TM2D1: variants seen among roughly 807,000 people sequenced by gnomAD.
TM2D1 encodes TM2 domain-containing protein 1.
A neutral mutation model predicts 28.4 loss-of-function variants in TM2D1; 15 were observed. The observed-to-expected ratio is 0.53, with a 90% confidence interval of 0.35 to 0.81. TM2D1 has a LOEUF of 0.81. Among genes scored for constraint, TM2D1 ranks in the 40% least tolerant of loss-of-function variants. TM2D1 has a pLI of 0.01. For missense variants in TM2D1, 236 were observed against 254.9 expected (o/e 0.93, Z 0.50); for synonymous variants, 93 against 96.2 (o/e 0.97, Z 0.20).
chr1:61,689,473 G>C (rs930191805), intron 5 of TM2D1, among the ~76,000 whole-genome samples: 1 of 151,996 alleles, frequency 6.6e-6, no homozygotes, highest in Non-Finnish European at 1.5e-5. Flanking sequence ...AGGCTCAAGT[G>C]ATCCTCCAAC....
intron 2 of TM2D1, among the ~76,000 whole-genome samples, chr1:61,716,066 A>C (rs980747329): frequency 6.6e-6 from 1 of 151,708 alleles, no homozygotes; most frequent in Non-Finnish European, 1.5e-5. Flanking sequence ...CGGCCTCCCA[A>C]AGTGCTGGGA....
At chr1:61,724,230 A>G in intron 1 of TM2D1, 1 of 152,588 alleles carries the variant, frequency 6.6e-6, no homozygotes, top group Non-Finnish European at 1.5e-5. Context: ...CCAGGAGTTC[A>G]AGACCAGCCT....
chr1:61,700,506 C>G lies in TM2D1; in HGVS notation c.439+428G>C, dbSNP rs75693503. ...CCAGCTCAAGTGGATCACCAAAGTT[C>G]CAACCCCAACTTGTTCTGAAAGAAG... is the stretch of plus-strand genomic sequence containing the variant. On this transcript the variant is annotated intron_variant, in intron 4 of 6. Transcript: ENST00000606498. Among the ~76,000 whole-genome samples, 973 of 152,278 alleles carry G rather than the reference C, an allele frequency of 6.4e-3. 15 individuals are homozygous for G. The highest frequency in any genetic ancestry group is 0.022 in the African/African-American group (931 of 41,578).
chr1:61,709,043 G>C (rs1360471984), intron 3 of TM2D1, among the ~76,000 whole-genome samples: 1 of 152,052 alleles, frequency 6.6e-6, no homozygotes, highest in African/African-American at 2.4e-5. Flanking sequence ...GCACAAACCT[G>C]TACTCCAGCT....
chr1:61,702,497 T>G (rs544357373), intron 3 of TM2D1, among the ~76,000 whole-genome samples: 1 of 151,026 alleles, frequency 6.6e-6, no homozygotes, highest in East Asian at 2.0e-4. Flanking sequence ...GCCCCCCAAG[T>G]ACCTGGGAGT....
At chr1:61,717,656 C>G (rs1171634778) in intron 2 of TM2D1, among the ~76,000 whole-genome samples, 1 of 151,976 alleles carries the variant, frequency 6.6e-6, no homozygotes, top group Non-Finnish European at 1.5e-5. Flanking sequence ...TCACTGTAGC[C>G]TCGAAGTCCT....
At chr1:61,720,762 C>T (rs191790005) in intron 2 of TM2D1, among the ~76,000 whole-genome samples, 141 of 152,064 alleles carry the variant, frequency 9.3e-4, no homozygotes, top group Admixed American at 4.0e-3. Context: ...TAAACAAATG[C>T]ACTTATTGAA....
intron 1 of TM2D1, 137 bp from the exon 2 acceptor site, chr1:61,723,923 A>G: frequency 2.1e-6 from 1 of 471,004 alleles, no homozygotes; most frequent in Non-Finnish European, 3.8e-6. Context: ...CAATAAGCAT[A>G]TGTACAAATA....
chr1:61,707,609 T>C (rs1264278872), intron 3 of TM2D1, among the ~76,000 whole-genome samples: 1 of 152,232 alleles, frequency 6.6e-6, no homozygotes, highest in East Asian at 1.9e-4. Context: ...CTAAGTACAT[T>C]GCAAACTATT....
chr1:61,691,028 G>T (rs1644319934), intron 5 of TM2D1, among the ~76,000 whole-genome samples: 1 of 152,160 alleles, frequency 6.6e-6, no homozygotes, highest in African/African-American at 2.4e-5. Flanking sequence ...AAAAAATTGT[G>T]ACAAAGAAAG....
chr1:61,721,597 A>G (rs1397306852), intron 2 of TM2D1, among the ~76,000 whole-genome samples: 1 of 152,010 alleles, frequency 6.6e-6, no homozygotes, highest in African/African-American at 2.4e-5. Flanking sequence ...TGAGAATTTC[A>G]CAATAGTTCT....
intron 2 of TM2D1, among the ~76,000 whole-genome samples, chr1:61,714,546 A>T (rs894317206): frequency 8.5e-5 from 13 of 152,130 alleles, no homozygotes; most frequent in Non-Finnish European, 1.3e-4. Flanking sequence ...GTCCAAAAAA[A>T]ACTAAAGAGC....
chr1:61,724,913 A>T, intron 1 of TM2D1, 44 bp downstream of exon 1: 1 of 1,539,638 alleles, frequency 6.5e-7, no homozygotes, highest in Non-Finnish European at 8.8e-7. Flanking sequence ...TGCGACCCCA[A>T]CTCTACCTCG....
chr1:61,705,290 G>A (rs749497509), intron 3 of TM2D1, among the ~76,000 whole-genome samples: 14 of 152,044 alleles, frequency 9.2e-5, no homozygotes, highest in African/African-American at 1.4e-4. Flanking sequence ...AGGTTCAAGC[G>A]ATTCTCATGC....
At position 61,690,636 on chromosome 1, in the gene TM2D1, T is replaced by C. The variant is rs577398151; in HGVS notation, c.513+4061A>G. On this transcript the variant is annotated intron_variant, in intron 5 of 6. Transcript: ENST00000606498. ...ACTAGGCACAAAGCCACACTTTGTA[T>C]AAGGCATACTGCATACAGTTTCAAA... Among the ~76,000 whole-genome samples, 3 of 152,276 alleles carry C rather than the reference T, an allele frequency of 2.0e-5. No individual in the cohort carries two copies. The East Asian group carries it at 5.8e-4, about 29-fold the overall frequency.
At chr1:61,704,839 A>G (rs1644429521) in intron 3 of TM2D1, among the ~76,000 whole-genome samples, 1 of 152,090 alleles carries the variant, frequency 6.6e-6, no homozygotes, top group Non-Finnish European at 1.5e-5. Context: ...CTGAGGTGGG[A>G]GGATCACTTC....
chr1:61,722,036 C>A (rs1032851503), intron 2 of TM2D1, among the ~76,000 whole-genome samples: 13 of 150,780 alleles, frequency 8.6e-5, no homozygotes, highest in South Asian at 2.1e-4. Flanking sequence ...TTTTGGGAGG[C>A]CCAGGCAGGC....
chr1:61,695,571 G>A (rs1430262907), intron 4 of TM2D1, among the ~76,000 whole-genome samples: 1 of 152,056 alleles, frequency 6.6e-6, no homozygotes, highest in Non-Finnish European at 1.5e-5. Context: ...TATAAGACAA[G>A]ACTCTTTGTG....
chr1:61,719,061 T>C (rs943820548), intron 2 of TM2D1, among the ~76,000 whole-genome samples: 1 of 152,170 alleles, frequency 6.6e-6, no homozygotes, highest in African/African-American at 2.4e-5. Context: ...CATTTTTTTG[T>C]TTTATTTTTT....
Sources: gnomAD v4.1 joint callset for allele counts (sites outside exome capture counted in the v4.1 genomes callset) on GRCh38, gnomAD v4.1.1 for gene constraint, MANE v1.5 for transcripts, NCBI Gene and HGNC (gene_info 2026-07-23, HGNC 2026-07-21) for gene names.